DNAH14: variants seen among roughly 807,000 people sequenced by gnomAD.
DNAH14 encodes dynein axonemal heavy chain 14.
DNAH14 carries 478 observed loss-of-function variants against 520.9 expected under a neutral mutation model. The ratio of observed to expected loss-of-function variants is 0.92; its 90% confidence interval spans 0.85 to 0.99. The LOEUF is 0.99. DNAH14 is among the 50% of genes least tolerant of loss of function. DNAH14 has a pLI of 0.00. For missense variants in DNAH14, 4,831 were observed against 5,234.5 expected, an observed-to-expected ratio of 0.92 and a Z score of 2.38; for synonymous variants, 1,581 against 1,757.2, an observed-to-expected ratio of 0.90 and a Z score of 2.51.
chr1:225,168,241 C>A (rs180878713), intron 36 of DNAH14, among the ~76,000 whole-genome samples: 1 of 152,124 alleles, frequency 6.6e-6, no homozygotes, highest in Non-Finnish European at 1.5e-5. Flanking sequence ...GCGTGAGCGA[C>A]GCAGAAGACG....
At chr1:225,166,506 T>A (rs1238570411) in intron 35 of DNAH14, among the ~76,000 whole-genome samples, 1 of 152,204 alleles carries the variant, frequency 6.6e-6, no homozygotes, top group African/African-American at 2.4e-5. Flanking sequence ...AAATTTGGAG[T>A]GATCCAATTT....
chr1:225,308,749 G>A (rs2094299043), intron 60 of DNAH14, among the ~76,000 whole-genome samples: 2 of 152,182 alleles, frequency 1.3e-5, no homozygotes, highest in Non-Finnish European at 2.9e-5. Flanking sequence ...GCAGCTCAAG[G>A]GACTGTGTAT....
intron 42 of DNAH14, among the ~76,000 whole-genome samples, chr1:225,239,420 G>A (rs147422930): frequency 6.6e-6 from 1 of 152,248 alleles, no homozygotes; most frequent in African/African-American, 2.4e-5. Context: ...CTTGGCTGGG[G>A]GTGGAAGGGG....
Position 225,042,975 on chromosome 1 carries a change from C to T in DNAH14, c.1629C>T (p.Cys543=), listed in dbSNP as rs750965019. 1.4e-5 allele frequency: 22 copies of T among 1,551,718 alleles called. No homozygotes were observed. Among genetic ancestry groups the T allele is most frequent in the Admixed American group, 7.8e-5 (4 of 50,966 alleles). The change falls in exon 13 of 86, where the codon TGC becomes TGT. Residue 543 remains cysteine, a synonymous_variant. Transcript: ENST00000682510. Reference sequence around the variant, plus strand: ...AGAACTTTCATGAGTCTGACCAGTGCCCTGAAGAGTGTGTGATGTTTGAAG... The same window carrying T: ...AGAACTTTCATGAGTCTGACCAGTGTCCTGAAGAGTGTGTGATGTTTGAAG... ...SKENFHESDQ[C]PEECVMFEDE...
intron 8 of DNAH14, among the ~76,000 whole-genome samples, chr1:224,980,566 T>C (rs1428379601): frequency 6.6e-6 from 1 of 152,172 alleles, no homozygotes; most frequent in Non-Finnish European, 1.5e-5. Flanking sequence ...TCACTGCCAT[T>C]AAGGGAAGGA....
chr1:225,001,762 G>T (rs968054212), intron 8 of DNAH14, among the ~76,000 whole-genome samples: 7 of 152,078 alleles, frequency 4.6e-5, no homozygotes, highest in African/African-American at 1.7e-4. Context: ...TACTGAGATT[G>T]TGTTTGCTTT....
chr1:225,327,846 G>A (rs1313949791), intron 64 of DNAH14, among the ~76,000 whole-genome samples: 1 of 151,916 alleles, frequency 6.6e-6, no homozygotes, highest in Non-Finnish European at 1.5e-5. Context: ...AAGAGAGAGA[G>A]AGAGAAGAAA....
chr1:224,955,228 AACTT>A, intron 3 of DNAH14, 130 bp downstream of exon 3: 1 of 985,082 alleles, frequency 1.0e-6, no homozygotes, highest in Non-Finnish European at 1.5e-6. Flanking sequence ...CTATTTTACT[AACTT>A]CATTAGTTAT....
intron 60 of DNAH14, among the ~76,000 whole-genome samples, chr1:225,310,090 G>A (rs571408116): frequency 6.6e-6 from 1 of 151,068 alleles, no homozygotes; most frequent in South Asian, 2.1e-4. Flanking sequence ...TAAGAGTACG[G>A]CTTAATTTCA....
chr1:225,096,109 G>A (rs1185266511), intron 21 of DNAH14, among the ~76,000 whole-genome samples: 5 of 151,644 alleles, frequency 3.3e-5, no homozygotes, highest in African/African-American at 9.7e-5. Context: ...TGGGATTACC[G>A]GCACCGCCAC....
intron 64 of DNAH14, among the ~76,000 whole-genome samples, chr1:225,328,317 A>G (rs1021156174): frequency 6.6e-6 from 1 of 152,202 alleles, no homozygotes; most frequent in Admixed American, 6.5e-5. Context: ...ATTTGTTTTT[A>G]ATTACAATAT....
At chr1:225,196,501 G>T (rs1427909827) in intron 38 of DNAH14, among the ~76,000 whole-genome samples, 2 of 152,032 alleles carry the variant, frequency 1.3e-5, no homozygotes, top group Non-Finnish European at 2.9e-5. Flanking sequence ...CCTTTTTCAT[G>T]TAATGAGTTC....
intron 8 of DNAH14, among the ~76,000 whole-genome samples, chr1:224,990,116 T>G (rs912381354): frequency 3.3e-5 from 5 of 152,018 alleles, no homozygotes; most frequent in Admixed American, 2.6e-4. Context: ...CAGGAGAGAT[T>G]GTTGTAGATT....
At chr1:225,336,663 A>T (rs1039557599) in intron 66 of DNAH14, among the ~76,000 whole-genome samples, 1 of 152,214 alleles carries the variant, frequency 6.6e-6, no homozygotes, top group African/African-American at 2.4e-5. Context: ...CTGACACGTT[A>T]TATGCAAACA....
intron 8 of DNAH14, among the ~76,000 whole-genome samples, chr1:224,992,611 G>A (rs2063133944): frequency 1.3e-5 from 2 of 151,928 alleles, no homozygotes; most frequent in Non-Finnish European, 2.9e-5. Flanking sequence ...CATTTTCTTC[G>A]TGGAATCTTT....
intron 8 of DNAH14, among the ~76,000 whole-genome samples, chr1:224,981,124 C>T (rs553754255): frequency 6.6e-6 from 1 of 152,270 alleles, no homozygotes; most frequent in South Asian, 2.1e-4. Context: ...CCCTGCATCC[C>T]TGGTATGAAA....
In DNAH14 at chr1:225,207,049, G is replaced by A; in HGVS notation, c.6268G>A (p.Asp2090Asn). ...TAAAATTATAAGTCAATCAGGAGTG[G>A]ATTGTCTTGAATTCATGATTAAAAA... ...TSKIISQSGVDCLEFMIKNSV... is the reference protein window; with the variant it reads ...TSKIISQSGVNCLEFMIKNSV... The change falls in exon 41 of 86, where the codon GAT becomes AAT. Residue 2090 changes from aspartate to asparagine, a missense_variant. Asp to Asn is a conservative substitution (Grantham distance 23). Transcript: ENST00000682510. 6.5e-7 allele frequency: 1 copy of A among 1,550,242 alleles called. No homozygotes were observed. The highest frequency in any genetic ancestry group is 1.2e-5 in the South Asian group (1 of 83,714).
intron 8 of DNAH14, among the ~76,000 whole-genome samples, chr1:224,981,139 C>T (rs1489986725): frequency 6.6e-6 from 1 of 152,190 alleles, no homozygotes; most frequent in African/African-American, 2.4e-5. Flanking sequence ...ATGAAACCCA[C>T]TTGATCATGG....
At chr1:225,056,464 C>T (rs56092717) in intron 17 of DNAH14, among the ~76,000 whole-genome samples, 7,254 of 152,002 alleles carry the variant, frequency 0.048, 501 homozygotes, top group African/African-American at 0.15. Flanking sequence ...CAAAAATTTT[C>T]TCCCATTCTG....
Sources: gnomAD v4.1 joint callset for allele counts (sites outside exome capture counted in the v4.1 genomes callset) on GRCh38, gnomAD v4.1.1 for gene constraint, MANE v1.5 for transcripts, NCBI Gene and HGNC (gene_info 2026-07-23, HGNC 2026-07-21) for gene names.